The following STRAP variants were observed in gnomAD, a reference collection of about 807,000 sequenced individuals.
The protein encoded by STRAP is serine-threonine kinase receptor-associated protein.
Under a neutral mutation model 47.0 loss-of-function variants are expected in STRAP, and 16 were observed. The observed-to-expected ratio is 0.34, with a 90% CI of 0.23 to 0.52. STRAP has a LOEUF of 0.52. STRAP is among the 20% of genes least tolerant of loss of function. The pLI, the probability that STRAP is intolerant of heterozygous loss-of-function variation, is 0.96. For synonymous variants in STRAP, 130 were observed against 142.7 expected (o/e 0.91, Z 0.63); for missense variants, 293 against 420.0 (o/e 0.70, Z 2.64).
intron 9 of STRAP, among the ~76,000 whole-genome samples, chr12:15,901,722 A>G (rs943175942): frequency 2.8e-4 from 43 of 151,964 alleles, no homozygotes; most frequent in Non-Finnish European, 8.8e-5. Context: ...TTAGCCGGTC[A>G]TGGTGGCAGA....
Position 15,882,615 on chromosome 12 carries a change from G to T in STRAP, c.-93G>T. 1 of 1,069,364 alleles carries T rather than the reference G, an allele frequency of 9.4e-7. No homozygotes were observed. Among genetic ancestry groups the T allele is most frequent in the Non-Finnish European group, 1.4e-6 (1 of 725,028 alleles). The allele number at this position is 1,069,364 out of a possible 1,614,324, so 66.2% of individuals were successfully genotyped here. ...CAGCCCAGCCCTAGTGTCAGGGCGG[G>T]GGCCTGGAGCAGCCCGAGGCACTGC... On this transcript the variant is annotated 5_prime_UTR_variant, in exon 1 of 10. Coordinates refer to ENST00000419869, the MANE Select transcript of STRAP (RefSeq NM_007178.4).
intron 4 of STRAP, among the ~76,000 whole-genome samples, chr12:15,891,376 T>A (rs1025573037): frequency 2.6e-5 from 4 of 152,206 alleles, no homozygotes; most frequent in African/African-American, 9.7e-5. Flanking sequence ...ATATTAGCTA[T>A]TCGAAAGAAT....
intron 2 of STRAP, among the ~76,000 whole-genome samples, chr12:15,885,367 T>A (rs962214221): frequency 6.6e-6 from 1 of 151,882 alleles, no homozygotes; most frequent in Non-Finnish European, 1.5e-5. Context: ...TTTTGTATAT[T>A]TAGTAGAGAC....
chr12:15,902,430 G>T (rs1350298866), intron 9 of STRAP, among the ~76,000 whole-genome samples: 7 of 152,186 alleles, frequency 4.6e-5, no homozygotes, highest in African/African-American at 1.7e-4. Flanking sequence ...TGGGTATGAT[G>T]ATTTTGGGGG....
In STRAP at chr12:15,894,848, T is replaced by C. The variant is rs1339795763; in HGVS notation, c.501-511T>C. 6.6e-6 allele frequency among the ~76,000 whole-genome samples: 1 copy of C among 152,244 alleles called. No individual in the cohort carries two copies. Among genetic ancestry groups the C allele is most frequent in the Non-Finnish European group, 1.5e-5 (1 of 68,050 alleles). On this transcript the variant is annotated intron_variant, in intron 5 of 9. Coordinates refer to ENST00000419869, the MANE Select transcript of STRAP (RefSeq NM_007178.4). The surrounding 1 kb of genome is among the most constrained non-coding windows in gnomAD (Gnocchi z 4.9). Reference sequence around the variant, plus strand: ...AATTAAGGGATGCTCACCTTGTGTATACAGACAGCAAAATTCAGAAGAAAA... The same window carrying C: ...AATTAAGGGATGCTCACCTTGTGTACACAGACAGCAAAATTCAGAAGAAAA...
intron 5 of STRAP, 71 bp from the exon 6 acceptor site, chr12:15,895,288 C>A: frequency 3.5e-6 from 4 of 1,153,968 alleles, no homozygotes; most frequent in Non-Finnish European, 4.7e-6. Context: ...GGCTAATCTG[C>A]AGATGTAATT....
intron 4 of STRAP, among the ~76,000 whole-genome samples, chr12:15,891,924 G>A (rs1167805261): frequency 6.6e-6 from 1 of 150,698 alleles, no homozygotes; most frequent in African/African-American, 2.5e-5. Context: ...GGGGACAAGA[G>A]CAAAACTCCT....
rs1231435491 is a variant in STRAP at position 15,894,648 on chromosome 12, G to T, written c.500+505G>T. 6.6e-6 allele frequency among the ~76,000 whole-genome samples: 1 copy of T among 152,104 alleles called. No homozygotes were observed. Among genetic ancestry groups the T allele is most frequent in the Non-Finnish European group, 1.5e-5 (1 of 68,038 alleles). On this transcript the variant is annotated intron_variant, in intron 5 of 9. Transcript: ENST00000419869. The surrounding 1 kb of genome is among the most constrained non-coding windows in gnomAD (Gnocchi z 4.9). ...AACCTGAAAATCTGAAATTTGAAAC[G>T]CTCTGAAATCTGAGACTTTGAGTGC...
chr12:15,896,539 T>C lies in STRAP; in HGVS notation c.638+1043T>C, dbSNP rs1347043364. On this transcript the variant is annotated intron_variant, in intron 6 of 9. Coordinates refer to ENST00000419869, the MANE Select transcript of STRAP (RefSeq NM_007178.4). The surrounding 1 kb of genome is among the most constrained non-coding windows in gnomAD (Gnocchi z 4.1). ...GTTATATATGTGGGTGTACAGTATTTGTGTTTTTTTTTTTAATTACTAGGA... is the reference window on the plus strand; with the variant it reads ...GTTATATATGTGGGTGTACAGTATTCGTGTTTTTTTTTTTAATTACTAGGA... Among the ~76,000 whole-genome samples, 2 of 151,938 alleles carry C rather than the reference T, an allele frequency of 1.3e-5. No homozygotes were observed. Among genetic ancestry groups the C allele is most frequent in the Non-Finnish European group, 2.9e-5 (2 of 68,014 alleles).
Position 15,902,885 on chromosome 12 carries a change from CTTTTTTTTTTTTT to C in STRAP, c.992-21_992-9del. The C allele has an allele frequency of 1.8e-6, 2 of 1,099,926 alleles. No homozygotes were observed. The highest frequency in any genetic ancestry group is 1.2e-6 in the Non-Finnish European group (1 of 852,464). 68.1% of individuals were successfully genotyped at this position (1,099,926 alleles called of 1,614,324 possible). ...TCTTTCATTAAGTTGACTAATGTGA[CTTTTTTTTTTTTT>C]TTTTTTTTTTACTTATAGAAGAAAT... On this transcript the variant is annotated intron_variant, in intron 9 of 9. Coordinates refer to ENST00000419869, the MANE Select transcript of STRAP (RefSeq NM_007178.4).
At position 15,882,592 on chromosome 12, in the gene STRAP, G is replaced by T. The variant is rs1019151128; in HGVS notation, c.-116G>T. Reference sequence around the variant, plus strand: ...ATTGCCCTTCTTTTCCTGTTGCCCAGCCCAGCCCTAGTGTCAGGGCGGGGG... The same window carrying T: ...ATTGCCCTTCTTTTCCTGTTGCCCATCCCAGCCCTAGTGTCAGGGCGGGGG... On this transcript the variant is annotated 5_prime_UTR_variant, in exon 1 of 10. Transcript: ENST00000419869. The T allele has an allele frequency of 5.8e-5, 49 of 845,560 alleles. No individual in the cohort carries two copies. The highest frequency in any genetic ancestry group is 2.3e-4 in the South Asian group (15 of 64,298). 52.4% of individuals were successfully genotyped at this position (845,560 alleles called of 1,614,324 possible). A position where few individuals can be genotyped will look rare whatever the true frequency, so the allele number is the denominator to read the frequency against.
chr12:15,883,894 A>C (rs1947945139), intron 2 of STRAP, among the ~76,000 whole-genome samples: 1 of 152,218 alleles, frequency 6.6e-6, no homozygotes, highest in Admixed American at 6.5e-5. Flanking sequence ...TAAATGACTT[A>C]TTCCGTATAT....
chr12:15,884,438 C>T (rs1355575304), intron 2 of STRAP, among the ~76,000 whole-genome samples: 1 of 151,790 alleles, frequency 6.6e-6, no homozygotes, highest in Non-Finnish European at 1.5e-5. Flanking sequence ...CTTTGATGTA[C>T]ATTAGAATAT....
At chr12:15,888,939 T>G (rs1233980456) in intron 2 of STRAP, among the ~76,000 whole-genome samples, 1 of 152,170 alleles carries the variant, frequency 6.6e-6, no homozygotes, top group Non-Finnish European at 1.5e-5. Context: ...CTTGCTTTTC[T>G]CTGATTTTTT....
intron 2 of STRAP, among the ~76,000 whole-genome samples, chr12:15,885,545 C>T (rs1196785804): frequency 6.7e-6 from 1 of 149,814 alleles, no homozygotes; most frequent in Non-Finnish European, 1.5e-5. Context: ...AATCTGCTGC[C>T]TCCTTCATTT....
At position 15,888,148 on chromosome 12, in the gene STRAP, GATAA is replaced by G. The variant is rs148578114; in HGVS notation, c.249-1776_249-1773del. On this transcript the variant is annotated intron_variant, in intron 2 of 9. Transcript: ENST00000419869. ...GGAATGGTTAATTATTGGAGTTGAG[GATAA>G]ATAGTTTCAAAGAAAAGATAGCATT... Among the ~76,000 whole-genome samples the G allele has an allele frequency of 3.6e-3, 551 of 152,292 alleles. 5 individuals are homozygous for G. The highest frequency in any genetic ancestry group is 0.012 in the African/African-American group (501 of 41,566).
Position 15,899,930 on chromosome 12 carries a change from A to C in STRAP, c.802A>C (p.Ile268Leu). The C allele has an allele frequency of 6.2e-7, 1 of 1,613,440 alleles. No individual in the cohort carries two copies. ...LESYKGHFGP[I>L]HCVRFSPDGE... Reference sequence around the variant, plus strand: ...ATCCTACAAGGGACACTTTGGTCCTATTCACTGTGTGAGATTTAGTCCTGA... The same window carrying C: ...ATCCTACAAGGGACACTTTGGTCCTCTTCACTGTGTGAGATTTAGTCCTGA... Residue 268 changes from isoleucine (I) to leucine (L), a missense_variant, in exon 8 of 10, where the codon ATT becomes CTT. By Grantham distance (5) the Ile-to-Leu change is conservative. Around this residue, in one of 5 missense-constraint regions of STRAP, gnomAD observed 26 missense variants for 76.7 expected, o/e 0.34. Transcript: ENST00000419869.
chr12:15,883,458 AC>A, intron 1 of STRAP, 82 bp from the exon 2 acceptor site: 1 of 1,444,082 alleles, frequency 6.9e-7, no homozygotes. Flanking sequence ...TTGTCATTGA[AC>A]ATCATTGTAT....
At chr12:15,893,536 CAAT>C (rs1319578322) in intron 4 of STRAP, among the ~76,000 whole-genome samples, 4 of 144,568 alleles carry the variant, frequency 2.8e-5, no homozygotes, top group Non-Finnish European at 4.5e-5. Flanking sequence ...ATTTATTATA[CAAT>C]AATGCTTTTA....
Sources: allele counts gnomAD v4.1 joint callset (sites outside exome capture counted in the v4.1 genomes callset), GRCh38; gene constraint gnomAD v4.1.1; regional missense constraint gnomAD v4.1.1; non-coding constraint Gnocchi (gnomAD v3.1); transcripts MANE v1.5; gene names NCBI Gene and HGNC (gene_info 2026-07-23, HGNC 2026-07-21).